Variants in DMD observed in about 807,000 individuals in gnomAD.
The protein encoded by DMD is dystrophin, also known as mutant dystrophin.
In DMD, 63 loss-of-function variants were observed where a neutral mutation model predicts 330.1. The ratio of observed to expected loss-of-function variants is 0.19; its 90% CI spans 0.16 to 0.24. The LOEUF (loss-of-function observed/expected upper bound fraction) is 0.24, where lower values mean the gene tolerates loss of function less well. Among genes scored for constraint, DMD ranks in the 10% least tolerant of loss-of-function variants. The pLI, the probability that DMD is intolerant of heterozygous loss-of-function variation, is 1.00. For synonymous variants in DMD, 1,223 were observed against 959.8 expected (o/e 1.27, Z -5.07); for missense variants, 3,344 against 2,684.1 (o/e 1.25, Z -5.43).
chrX:32,026,266 C>G (rs1406486858), intron 44 of DMD, among the ~76,000 whole-genome samples: 2 of 112,181 alleles, frequency 1.8e-5, no homozygotes, highest in African/African-American at 6.5e-5. Flanking sequence ...AGATAATAAG[C>G]TAAGAGCTGC....
At chrX:32,854,526 A>G (rs1441306699) in intron 2 of DMD, among the ~76,000 whole-genome samples, 1 of 109,359 alleles carries the variant, frequency 9.1e-6, no homozygotes. Flanking sequence ...TGTGGGCTAC[A>G]GATAAATCAG....
intron 62 of DMD, among the ~76,000 whole-genome samples, chrX:31,313,770 C>T (rs1569524309): frequency 9.2e-6 from 1 of 108,738 alleles, no homozygotes; most frequent in Non-Finnish European, 1.9e-5. Flanking sequence ...ATTAGAATGA[C>T]TTGGATAAGC....
In DMD at chrX:32,551,597, T is replaced by C. The variant is rs571438465; in HGVS notation, c.1993-6263A>G. ...TGGCATAAGACAAGGGGGCCCTCTC[T>C]TACAAATCTCATTGAACATAGTACT... On this transcript the variant is annotated intron_variant, in intron 16 of 78. Coordinates refer to ENST00000357033, the MANE Select transcript of DMD (RefSeq NM_004006.3). Among the ~76,000 whole-genome samples, 20 of 111,691 alleles carry C rather than the reference T, an allele frequency of 1.8e-4. 1 individual carries two copies. In the South Asian group the frequency reaches 7.4e-3, roughly 41 times the overall value.
intron 25 of DMD, among the ~76,000 whole-genome samples, chrX:32,463,039 C>T (rs777475101): frequency 1.2e-4 from 13 of 111,855 alleles, no homozygotes; most frequent in Non-Finnish European, 2.3e-4. Context: ...AATTATTTAT[C>T]CTATTTCTAC....
intron 7 of DMD, among the ~76,000 whole-genome samples, chrX:32,717,042 A>C (rs1263307394): frequency 9.0e-6 from 1 of 111,083 alleles, no homozygotes; most frequent in Non-Finnish European, 1.9e-5. Flanking sequence ...CAGAGCATAA[A>C]AGTTTAGAAA....
Position 33,193,571 on chromosome X carries a change from G to C in DMD, c.31+17711C>G, listed in dbSNP as rs895066826. ...TCCTTTTTATACTTCTATTAGAAAG[G>C]CTATGTTTTTGTTTAAGTACCCAAG... On this transcript the variant is annotated intron_variant, in intron 1 of 78. Transcript: ENST00000357033. 5.4e-4 allele frequency among the ~76,000 whole-genome samples: 61 copies of C among 112,051 alleles called. 1 individual carries two copies. The highest frequency in any genetic ancestry group is 6.4e-4 in the Non-Finnish European group (34 of 53,203).
chrX:31,538,201 A>T (rs1267557286), intron 55 of DMD, among the ~76,000 whole-genome samples: 1 of 112,173 alleles, frequency 8.9e-6, no homozygotes, highest in African/African-American at 3.2e-5. Context: ...TCCCTTGGGG[A>T]TGCTGAATAA....
intron 44 of DMD, among the ~76,000 whole-genome samples, chrX:32,004,279 C>A (rs779885637): frequency 6.3e-5 from 7 of 111,479 alleles, no homozygotes; most frequent in Non-Finnish European, 1.1e-4. Context: ...TTGTTTTATT[C>A]CTAAAATAGA....
chrX:32,788,249 T>C (rs1486805814), intron 7 of DMD, among the ~76,000 whole-genome samples: 1 of 111,888 alleles, frequency 8.9e-6, no homozygotes, highest in Non-Finnish European at 1.9e-5. Context: ...AGGACTACTA[T>C]TAAATTAACT....
chrX:32,516,596 T>A (rs1232816021), intron 18 of DMD: 1 of 111,837 alleles, frequency 8.9e-6, no homozygotes, highest in African/African-American at 3.2e-5. Flanking sequence ...GACAGAAACC[T>A]GTGAGAATCA....
chrX:32,369,333 T>G (rs1490176587), intron 34 of DMD, among the ~76,000 whole-genome samples: 2 of 111,383 alleles, frequency 1.8e-5, no homozygotes, highest in African/African-American at 6.5e-5. Flanking sequence ...CCCATGTTGA[T>G]GGGAAGGATG....
chrX:31,340,328 C>T (rs1434958636), intron 61 of DMD, among the ~76,000 whole-genome samples: 1 of 112,445 alleles, frequency 8.9e-6, no homozygotes, highest in African/African-American at 3.2e-5. Context: ...ATTTGTCTTT[C>T]AGAGTCCCAT....
intron 26 of DMD, among the ~76,000 whole-genome samples, chrX:32,448,997 C>T (rs765535764): frequency 9.0e-6 from 1 of 110,667 alleles, no homozygotes; most frequent in Non-Finnish European, 1.9e-5. Context: ...ATTTGGCAGT[C>T]TAGAATTGAA....
chrX:33,112,298 C>T (rs2095345628), intron 1 of DMD, among the ~76,000 whole-genome samples: 1 of 111,026 alleles, frequency 9.0e-6, no homozygotes, highest in African/African-American at 3.3e-5. Context: ...ATAATATATA[C>T]ATAAGGTTTG....
intron 1 of DMD, among the ~76,000 whole-genome samples, chrX:33,038,948 C>T (rs183891234): frequency 4.5e-5 from 5 of 111,301 alleles, no homozygotes; most frequent in African/African-American, 9.8e-5. Context: ...GAGCCAAGAT[C>T]GCGTCACTGC....
chrX:31,615,517 G>C (rs1438948758), intron 55 of DMD, among the ~76,000 whole-genome samples: 1 of 111,488 alleles, frequency 9.0e-6, no homozygotes, highest in African/African-American at 3.3e-5. Flanking sequence ...TTCCCAAGGA[G>C]GGCATTATGA....
intron 12 of DMD, among the ~76,000 whole-genome samples, chrX:32,597,159 A>G (rs762022482): frequency 1.8e-5 from 2 of 111,728 alleles, no homozygotes; most frequent in Non-Finnish European, 3.8e-5. Context: ...TCAGGACTCA[A>G]TGTAAGTGTC....
At chrX:33,102,809 T>C (rs1410781464) in intron 1 of DMD, among the ~76,000 whole-genome samples, 1 of 112,192 alleles carries the variant, frequency 8.9e-6, no homozygotes, top group Non-Finnish European at 1.9e-5. Flanking sequence ...TATCTACATA[T>C]AAATGCTCAA....
Position 32,013,093 on chromosome X carries a change from C to CTTTTTTTTTTTTTTTTTTTTTT in DMD, c.6439-44580_6439-44579insAAAAAAAAAAAAAAAAAAAAAA, listed in dbSNP as rs754162660. 9.3e-4 allele frequency among the ~76,000 whole-genome samples: 57 copies of CTTTTTTTTTTTTTTTTTTTTTT among 61,142 alleles called. 6 individuals carry two copies. The highest frequency in any genetic ancestry group is 2.7e-3 in the African/African-American group (33 of 12,313). 53.1% of individuals were successfully genotyped at this position (61,142 alleles called of 115,157 possible). A position where few individuals can be genotyped will look rare whatever the true frequency, so the allele number is the denominator to read the frequency against. On this transcript the variant is annotated intron_variant, in intron 44 of 78. Transcript: ENST00000357033. ...GGAAATTAATCTTTTCTTTTCTTTC[C>CTTTTTTTTTTTTTTTTTTTTTT]TTTTTTTTTTTTTGAGATGGAATCT...
Sources: gnomAD v4.1 joint callset for allele counts (sites outside exome capture counted in the v4.1 genomes callset) on GRCh38, gnomAD v4.1.1 for gene constraint, MANE v1.5 for transcripts, NCBI Gene and HGNC (gene_info 2026-07-23, HGNC 2026-07-21) for gene names.